The following SLC6A11 variants were observed in gnomAD, a reference collection of about 807,000 sequenced individuals.
The protein encoded by SLC6A11 is sodium- and chloride-dependent GABA transporter 3.
SLC6A11 carries 25 observed loss-of-function variants against 74.8 expected under a neutral mutation model. The ratio of observed to expected loss-of-function variants is 0.33; its 90% CI spans 0.24 to 0.47. SLC6A11 has a LOEUF of 0.47. SLC6A11 is among the 20% of genes least tolerant of loss of function. SLC6A11 has a pLI of 1.00. For missense variants in SLC6A11, 574 were observed against 837.0 expected (o/e 0.69, Z 3.88); for synonymous variants, 330 against 330.2 (o/e 1.00, Z 0.01).
chr3:10,818,681 A>G (rs978835854), intron 1 of SLC6A11, among the ~76,000 whole-genome samples: 2 of 152,202 alleles, frequency 1.3e-5, no homozygotes, highest in African/African-American at 4.8e-5. Flanking sequence ...ATGTGTTTTC[A>G]TGCTTCGTTA....
rs1559554191 is a variant in SLC6A11, at chr3:10,831,495, G to GACA, written c.623+8103_623+8104insACA. Among the ~76,000 whole-genome samples the GACA allele has an allele frequency of 4.1e-3, 628 of 152,256 alleles. 4 individuals carry two copies. The highest frequency in any genetic ancestry group is 0.015 in the African/African-American group (607 of 41,550). ...TGAAAAAGGTGAGCTGTAGCATGTT[G>GACA]TATATGATATCGTATGTAATATATG... On this transcript the variant is annotated intron_variant, in intron 4 of 13. Coordinates refer to ENST00000254488, the MANE Select transcript of SLC6A11 (RefSeq NM_014229.3).
chr3:10,819,676 T>C, intron 2 of SLC6A11, 36 bp from the exon 3 acceptor site: 2 of 1,611,372 alleles, frequency 1.2e-6, no homozygotes, highest in Non-Finnish European at 1.7e-6. Context: ...TTTGAAAAGA[T>C]AGACTCAAAT....
At chr3:10,917,104 A>C (rs1014777861) in intron 7 of SLC6A11, among the ~76,000 whole-genome samples, 1 of 152,188 alleles carries the variant, frequency 6.6e-6, no homozygotes, top group African/African-American at 2.4e-5. Context: ...TTTCAAGCAC[A>C]ATAAGGAATT....
chr3:10,819,568 G>T lies in SLC6A11; in HGVS notation c.360G>T (p.Thr120=), dbSNP rs560677877. 6.2e-7 allele frequency: 1 copy of T among 1,614,126 alleles called. No homozygotes were observed. Among genetic ancestry groups the T allele is most frequent in the Non-Finnish European group, 8.5e-7 (1 of 1,180,016 alleles). Reference sequence around the variant, plus strand: ...AGTTCACAAGTGAAGGTGGCATTACGTGTTGGAGGAAAGTTTGCCCTTTAT... The same window carrying T: ...AGTTCACAAGTGAAGGTGGCATTACTTGTTGGAGGAAAGTTTGCCCTTTAT... ...LGQFTSEGGI[T]CWRKVCPLFE... The change falls in exon 2 of 14, where the codon ACG becomes ACT. Residue 120 remains threonine, a synonymous_variant. Transcript: ENST00000254488.
intron 3 of SLC6A11, among the ~76,000 whole-genome samples, chr3:10,820,534 T>C (rs1694124809): frequency 6.6e-6 from 1 of 152,138 alleles, no homozygotes; most frequent in African/African-American, 2.4e-5. Context: ...ATTTACTCTA[T>C]CAATCCAACC....
At chr3:10,901,536 A>T (rs1234008139) in intron 6 of SLC6A11, among the ~76,000 whole-genome samples, 1 of 152,196 alleles carries the variant, frequency 6.6e-6, no homozygotes, top group Admixed American at 6.5e-5. Context: ...CCAGAGCGAG[A>T]GGCTGCAGAA....
intron 6 of SLC6A11, among the ~76,000 whole-genome samples, chr3:10,911,654 G>C (rs1031509532): frequency 1.3e-5 from 2 of 152,130 alleles, no homozygotes; most frequent in Non-Finnish European, 2.9e-5. Context: ...CCTTAAACAT[G>C]ACTTACCTTG....
intron 6 of SLC6A11, among the ~76,000 whole-genome samples, chr3:10,909,664 C>G (rs1335724847): frequency 6.6e-6 from 1 of 152,180 alleles, no homozygotes; most frequent in Non-Finnish European, 1.5e-5. Flanking sequence ...AGTGTCTGGT[C>G]AGGCACTGAG....
intron 4 of SLC6A11, among the ~76,000 whole-genome samples, chr3:10,831,856 A>G (rs1575668678): frequency 6.6e-6 from 1 of 152,164 alleles, no homozygotes; most frequent in Non-Finnish European, 1.5e-5. Flanking sequence ...ATATGCACCT[A>G]TAGGCCGGCA....
chr3:10,860,682 G>A (rs575231130), intron 5 of SLC6A11, among the ~76,000 whole-genome samples: 12 of 152,316 alleles, frequency 7.9e-5, no homozygotes, highest in South Asian at 2.1e-4. Flanking sequence ...TGGAACTTCC[G>A]GGAAGTGGAG....
At chr3:10,843,197 G>A (rs553640446) in intron 4 of SLC6A11, among the ~76,000 whole-genome samples, 26 of 152,256 alleles carry the variant, frequency 1.7e-4, no homozygotes, top group African/African-American at 2.6e-4. Context: ...CCAGGCCTGC[G>A]TCAACTCTGA....
intron 6 of SLC6A11, among the ~76,000 whole-genome samples, chr3:10,900,771 A>G (rs971264403): frequency 3.3e-5 from 5 of 152,134 alleles, no homozygotes; most frequent in African/African-American, 9.7e-5. Context: ...TCAGGCTGGG[A>G]TTGGAAGCTG....
Position 10,900,472 on chromosome 3 carries a change from C to T in SLC6A11, c.892-11618C>T, listed in dbSNP as rs976905773. Among the ~76,000 whole-genome samples, 6 of 152,176 alleles carry T rather than the reference C, an allele frequency of 3.9e-5. No individual in the cohort carries two copies. In the South Asian group the frequency reaches 6.2e-4, roughly 16 times the overall value. On this transcript the variant is annotated intron_variant, in intron 6 of 13. Transcript: ENST00000254488. ...GACAGACAATAAACAATGAATGCCACGATATGATCTCAGATACTTATTTCT... is the reference window on the plus strand; with the variant it reads ...GACAGACAATAAACAATGAATGCCATGATATGATCTCAGATACTTATTTCT...
At chr3:10,901,488 T>G (rs1695239797) in intron 6 of SLC6A11, among the ~76,000 whole-genome samples, 1 of 152,222 alleles carries the variant, frequency 6.6e-6, no homozygotes, top group Non-Finnish European at 1.5e-5. Flanking sequence ...AGGGCCCTGG[T>G]TGGCCCCAGG....
intron 6 of SLC6A11, among the ~76,000 whole-genome samples, chr3:10,881,590 C>T (rs1694982568): frequency 6.6e-6 from 1 of 152,180 alleles, no homozygotes; most frequent in Non-Finnish European, 1.5e-5. Flanking sequence ...CTGTGAAGGG[C>T]CAGCCTGCCA....
At chr3:10,935,374 G>A in intron 13 of SLC6A11, 175 bp downstream of exon 13, 1 of 608,198 alleles carries the variant, frequency 1.6e-6, no homozygotes, top group South Asian at 2.0e-5. Flanking sequence ...AGGTGTCTCT[G>A]TGAAGTCTTT....
chr3:10,847,335 A>T (rs531135336), intron 5 of SLC6A11, among the ~76,000 whole-genome samples: 7 of 152,306 alleles, frequency 4.6e-5, no homozygotes, highest in African/African-American at 1.7e-4. Flanking sequence ...GAGATAGCAC[A>T]TAGTAGGTGC....
At chr3:10,911,529 T>C (rs931127722) in intron 6 of SLC6A11, among the ~76,000 whole-genome samples, 8 of 152,154 alleles carry the variant, frequency 5.3e-5, no homozygotes, top group African/African-American at 1.9e-4. Context: ...ACTCCTCCCC[T>C]CCCTGCCACC....
At chr3:10,821,681 A>G (rs1396431089) in intron 3 of SLC6A11, among the ~76,000 whole-genome samples, 4 of 152,228 alleles carry the variant, frequency 2.6e-5, no homozygotes, top group African/African-American at 7.2e-5. Flanking sequence ...TTTAATTTAT[A>G]AATTTAATTT....
Sources: allele counts gnomAD v4.1 joint callset (sites outside exome capture counted in the v4.1 genomes callset), GRCh38; gene constraint gnomAD v4.1.1; transcripts MANE v1.5; gene names NCBI Gene and HGNC (gene_info 2026-07-23, HGNC 2026-07-21).